The following MYRIP variants were observed in gnomAD, a reference collection of about 807,000 sequenced individuals.
MYRIP encodes the protein rab effector MyRIP.
MYRIP carries 49 observed loss-of-function variants against 98.0 expected under a neutral mutation model. That is an observed-to-expected ratio of 0.50 (90% CI 0.40 to 0.63). MYRIP has a LOEUF of 0.63. MYRIP is among the 30% of genes least tolerant of loss of function. The pLI is 0.00. For missense variants in MYRIP, 1,004 were observed against 1,058.2 expected, an observed-to-expected ratio of 0.95 and a Z score of 0.71; for synonymous variants, 404 against 409.5, an observed-to-expected ratio of 0.99 and a Z score of 0.16.
chr3:40,012,747 C>T (rs1171419533), intron 2 of MYRIP, among the ~76,000 whole-genome samples: 1 of 152,102 alleles, frequency 6.6e-6, no homozygotes, highest in Non-Finnish European at 1.5e-5. Flanking sequence ...CTTTTCCTGC[C>T]CTTGGATTGG....
intron 2 of MYRIP, among the ~76,000 whole-genome samples, chr3:39,939,398 A>C (rs779161572): frequency 6.6e-6 from 1 of 152,186 alleles, no homozygotes; most frequent in Non-Finnish European, 1.5e-5. Flanking sequence ...CTATGTAGCT[A>C]CATGGAAAAA....
chr3:39,964,407 C>G (rs1417975616), intron 2 of MYRIP, among the ~76,000 whole-genome samples: 1 of 152,144 alleles, frequency 6.6e-6, no homozygotes, highest in Non-Finnish European at 1.5e-5. Context: ...GGGCTCCTCA[C>G]AATTGTGTTT....
intron 3 of MYRIP, among the ~76,000 whole-genome samples, chr3:40,058,838 G>T (rs1023051725): frequency 6.6e-6 from 1 of 151,994 alleles, no homozygotes; most frequent in Non-Finnish European, 1.5e-5. Flanking sequence ...GAACGTGCAG[G>T]TTTGTTACAT....
intron 2 of MYRIP, among the ~76,000 whole-genome samples, chr3:39,994,199 G>A (rs146580439): frequency 3.3e-5 from 5 of 152,224 alleles, no homozygotes; most frequent in African/African-American, 1.2e-4. Context: ...GTGCAGGACA[G>A]TGGGTGCAGC....
intron 1 of MYRIP, among the ~76,000 whole-genome samples, chr3:39,820,702 G>A (rs1941077228): frequency 6.6e-6 from 1 of 152,142 alleles, no homozygotes; most frequent in African/African-American, 2.4e-5. Context: ...CAGAAATGTT[G>A]TTTTCATTGT....
intron 1 of MYRIP, among the ~76,000 whole-genome samples, chr3:39,886,043 A>T (rs1348437555): frequency 1.3e-5 from 2 of 152,136 alleles, no homozygotes; most frequent in Non-Finnish European, 2.9e-5. Context: ...CTGGTGAGGA[A>T]CTGCGTTCCA....
chr3:40,126,941 C>T (rs561108120), intron 3 of MYRIP, among the ~76,000 whole-genome samples: 1 of 152,276 alleles, frequency 6.6e-6, no homozygotes, highest in Non-Finnish European at 1.5e-5. Flanking sequence ...CCTCAGCAGG[C>T]AGGAGACAGT....
intron 1 of MYRIP, among the ~76,000 whole-genome samples, chr3:39,818,027 GTATT>G (rs1487911449): frequency 6.6e-6 from 1 of 152,122 alleles, no homozygotes; most frequent in Non-Finnish European, 1.5e-5. Flanking sequence ...TTTAATGCCA[GTATT>G]TATTCTTCTG....
intron 2 of MYRIP, among the ~76,000 whole-genome samples, chr3:40,032,283 A>G (rs1377323073): frequency 1.3e-5 from 2 of 152,084 alleles, no homozygotes; most frequent in Non-Finnish European, 2.9e-5. Context: ...TTCAGTTTCC[A>G]TGTAGTAGTC....
chr3:40,020,609 A>G (rs764249089), intron 2 of MYRIP, among the ~76,000 whole-genome samples: 1 of 152,226 alleles, frequency 6.6e-6, no homozygotes, highest in African/African-American at 2.4e-5. Context: ...CTAGGAAATC[A>G]TAAGGTTTTC....
chr3:39,822,849 C>T (rs1941142645), intron 1 of MYRIP, among the ~76,000 whole-genome samples: 1 of 147,284 alleles, frequency 6.8e-6, no homozygotes, highest in Admixed American at 6.9e-5. Context: ...CATGTTTCCA[C>T]AAATGACAGG....
intron 2 of MYRIP, 45 bp from the exon 3 acceptor site, chr3:40,044,005 T>C: frequency 1.3e-6 from 2 of 1,580,512 alleles, no homozygotes; most frequent in Non-Finnish European, 1.7e-6. Context: ...TGACCTGATG[T>C]TGTGTTTCTC....
At chr3:39,940,349 T>C (rs1224334160) in intron 2 of MYRIP, among the ~76,000 whole-genome samples, 3 of 152,106 alleles carry the variant, frequency 2.0e-5, no homozygotes, top group Non-Finnish European at 4.4e-5. Flanking sequence ...TGAGTAAAGA[T>C]ACTGGAAAGG....
chr3:39,870,129 G>A (rs1942742198), intron 1 of MYRIP, among the ~76,000 whole-genome samples: 2 of 152,182 alleles, frequency 1.3e-5, no homozygotes, highest in Non-Finnish European at 2.9e-5. Flanking sequence ...CAGGGGCATA[G>A]CAGGGGTCAT....
At chr3:40,003,089 G>A (rs893293755) in intron 2 of MYRIP, among the ~76,000 whole-genome samples, 4 of 151,368 alleles carry the variant, frequency 2.6e-5, no homozygotes, top group African/African-American at 9.7e-5. Flanking sequence ...ACATACATTT[G>A]TAGATATCTA....
At chr3:40,166,135 T>C (rs1950494316) in intron 5 of MYRIP, among the ~76,000 whole-genome samples, 1 of 152,216 alleles carries the variant, frequency 6.6e-6, no homozygotes, top group African/African-American at 2.4e-5. Context: ...TTAATACTGG[T>C]TGATAGTCCA....
intron 1 of MYRIP, among the ~76,000 whole-genome samples, chr3:39,817,871 C>G (rs1200847319): frequency 6.6e-6 from 1 of 151,990 alleles, no homozygotes; most frequent in Non-Finnish European, 1.5e-5. Context: ...CTTTTTATTT[C>G]CCATTATTTA....
chr3:40,257,558 C>T (rs1953638960), intron 16 of MYRIP, among the ~76,000 whole-genome samples: 2 of 152,084 alleles, frequency 1.3e-5, no homozygotes, highest in Non-Finnish European at 2.9e-5. Context: ...ATCAACAGTT[C>T]AATAAGAAAA....
intron 1 of MYRIP, among the ~76,000 whole-genome samples, chr3:39,835,894 T>G (rs1489127609): frequency 6.6e-6 from 1 of 152,206 alleles, no homozygotes; most frequent in Non-Finnish European, 1.5e-5. Context: ...GTTTCCAGCT[T>G]CATCCATGTC....
Sources: allele counts gnomAD v4.1 joint callset (sites outside exome capture counted in the v4.1 genomes callset), GRCh38; gene constraint gnomAD v4.1.1; transcripts MANE v1.5; gene names NCBI Gene and HGNC (gene_info 2026-07-23, HGNC 2026-07-21).